The following YES1 variants were observed in gnomAD, a reference collection of about 807,000 sequenced individuals.
The protein encoded by YES1 is tyrosine-protein kinase Yes.
A neutral mutation model predicts 70.4 loss-of-function variants in YES1; 39 were observed. That is an observed-to-expected ratio of 0.55 (90% CI 0.43 to 0.72). The LOEUF (loss-of-function observed/expected upper bound fraction) is 0.72. Ranked by LOEUF, YES1 falls within the 30% of genes least tolerant of loss-of-function variation. The pLI, the probability that YES1 is intolerant of heterozygous loss-of-function variation, is 0.00. For missense variants in YES1, 495 were observed against 644.8 expected, an observed-to-expected ratio of 0.77 and a Z score of 2.52; for synonymous variants, 198 against 218.6, an observed-to-expected ratio of 0.91 and a Z score of 0.83.
chr18:757,317 C>G (rs540505197), intron 1 of YES1, among the ~76,000 whole-genome samples: 2 of 151,434 alleles, frequency 1.3e-5, no homozygotes, highest in Non-Finnish European at 1.5e-5. Flanking sequence ...TCCTGGCTAA[C>G]ACGGTGAAAC....
chr18:737,374 A>C, intron 9 of YES1: 1 of 155,054 alleles, frequency 6.4e-6, no homozygotes. Flanking sequence ...AATCACTTGA[A>C]CCCAGGAGGC....
At chr18:762,100 C>A (rs1375447196) in intron 1 of YES1, among the ~76,000 whole-genome samples, 1 of 152,166 alleles carries the variant, frequency 6.6e-6, no homozygotes, top group African/African-American at 2.4e-5. Context: ...GTGGGCGGAT[C>A]ACCTGAGATT....
intron 3 of YES1, among the ~76,000 whole-genome samples, chr18:750,915 G>A (rs890257068): frequency 6.6e-6 from 1 of 152,190 alleles, no homozygotes; most frequent in South Asian, 2.1e-4. Flanking sequence ...AAAATTGCAA[G>A]TAATTCAGTA....
chr18:738,721 A>T (rs906530771), intron 9 of YES1: 3 of 151,402 alleles, frequency 2.0e-5, no homozygotes, highest in African/African-American at 4.9e-5. Flanking sequence ...AATTCAGCAT[A>T]CACTTTAGAT....
chr18:809,393 G>C (rs969576929), intron 1 of YES1, among the ~76,000 whole-genome samples: 1 of 151,964 alleles, frequency 6.6e-6, no homozygotes, highest in African/African-American at 2.4e-5. Flanking sequence ...TCTGTCTCCC[G>C]GGTTCAAGCG....
chr18:722,820 CG>C lies in YES1; in HGVS notation c.*1603del, dbSNP rs1392320693. 4 of 152,180 alleles carry C rather than the reference CG, an allele frequency of 2.6e-5. No individual in the cohort carries two copies. The highest frequency in any genetic ancestry group is 9.7e-5 in the African/African-American group (4 of 41,438). 9.4% of individuals were successfully genotyped at this position (152,180 alleles called of 1,614,324 possible). On this transcript the variant is annotated 3_prime_UTR_variant, in exon 12 of 12. Coordinates refer to ENST00000314574, the MANE Select transcript of YES1 (RefSeq NM_005433.4). ...TTTAGAAGTGAATGTAGGCTGGGCG[CG>C]GTGGCTCACGCCTGTAATCCCAGCA...
intron 1 of YES1, among the ~76,000 whole-genome samples, chr18:778,999 T>C (rs1298228799): frequency 1.3e-5 from 2 of 152,222 alleles, no homozygotes; most frequent in Non-Finnish European, 2.9e-5. Context: ...CTTTTAGATA[T>C]ACAAACAATT....
At chr18:749,540 G>C (rs1290917642) in intron 3 of YES1, among the ~76,000 whole-genome samples, 1 of 149,336 alleles carries the variant, frequency 6.7e-6, no homozygotes, top group Non-Finnish European at 1.5e-5. Context: ...TGAATTTCTA[G>C]AATAATGCAT....
At chr18:763,885 G>A (rs1904725148) in intron 1 of YES1, among the ~76,000 whole-genome samples, 1 of 151,964 alleles carries the variant, frequency 6.6e-6, no homozygotes, top group Non-Finnish European at 1.5e-5. Flanking sequence ...ACTTTGGGAG[G>A]CCGAGGCGGG....
rs2080412834 is a variant in YES1, at chr18:756,761, C to G, written c.67G>C (p.Glu23Gln). ...TGGCTCACACTTGTACTGACAGGCT[C>G]TGGAGTATTTTCAGGTCTGTATTTA... ...AIKYRPENTPEPVSTSVSHYG... is the reference protein window; with the variant it reads ...AIKYRPENTPQPVSTSVSHYG... The change falls in exon 2 of 12, where the codon GAG becomes CAG. Residue 23 changes from glutamate to glutamine, a missense_variant. Glu to Gln is a conservative substitution (Grantham distance 29). Coordinates refer to ENST00000314574, the MANE Select transcript of YES1 (RefSeq NM_005433.4). The G allele has an allele frequency of 6.2e-7, 1 of 1,614,176 alleles. No individual in the cohort carries two copies. The highest frequency in any genetic ancestry group is 8.5e-7 in the Non-Finnish European group (1 of 1,180,030).
At chr18:755,191 T>C (rs1292133102) in intron 2 of YES1, among the ~76,000 whole-genome samples, 3 of 151,888 alleles carry the variant, frequency 2.0e-5, no homozygotes, top group Admixed American at 6.6e-5. Context: ...TGACTTAACA[T>C]GCATAACTCC....
chr18:730,142 T>TA (rs1647115257), intron 11 of YES1, among the ~76,000 whole-genome samples: 3 of 152,122 alleles, frequency 2.0e-5, no homozygotes, highest in Admixed American at 1.3e-4. Context: ...TCTCCTAGGG[T>TA]ATGGACTTTC....
intron 10 of YES1, among the ~76,000 whole-genome samples, chr18:734,676 A>C (rs2080131090): frequency 6.6e-6 from 1 of 151,956 alleles, no homozygotes; most frequent in Non-Finnish European, 1.5e-5. Flanking sequence ...GAATGGCCAT[A>C]ATGAATAAGT....
chr18:762,683 A>G (rs1568203109), intron 1 of YES1, among the ~76,000 whole-genome samples: 1 of 152,206 alleles, frequency 6.6e-6, no homozygotes, highest in Non-Finnish European at 1.5e-5. Flanking sequence ...TGACGGGTGC[A>G]CCAAAACCTC....
rs927288840 is a variant in YES1, at chr18:788,464, A to ATT, written c.-9+23648_-9+23649dup. Among the ~76,000 whole-genome samples the ATT allele has an allele frequency of 5.3e-4, 81 of 152,310 alleles. 1 individual carries two copies. Among genetic ancestry groups the ATT allele is most frequent in the African/African-American group, 1.5e-3 (62 of 41,554 alleles). On this transcript the variant is annotated intron_variant, in intron 1 of 11. Transcript: ENST00000314574. ...TAATAACGATGTGTATATATTTAAA[A>ATT]TTTTGTTTTATTAAAAAATAAAACC...
chr18:787,370 G>A (rs1906017207), intron 1 of YES1, among the ~76,000 whole-genome samples: 1 of 151,458 alleles, frequency 6.6e-6, no homozygotes, highest in Non-Finnish European at 1.5e-5. Context: ...AAATGCTGGG[G>A]TACAGGCATG....
chr18:776,258 A>G (rs1381158376), intron 1 of YES1, among the ~76,000 whole-genome samples: 1 of 151,752 alleles, frequency 6.6e-6, no homozygotes, highest in Non-Finnish European at 1.5e-5. Context: ...CAGTGATGCA[A>G]TCTTGGCTCA....
chr18:757,596 C>A (rs1018899389), intron 1 of YES1, among the ~76,000 whole-genome samples: 2 of 151,570 alleles, frequency 1.3e-5, no homozygotes, highest in African/African-American at 4.8e-5. Context: ...CTAGGCGGAC[C>A]GATCACTTGA....
At chr18:793,099 G>A (rs1175227462) in intron 1 of YES1, among the ~76,000 whole-genome samples, 1 of 150,744 alleles carries the variant, frequency 6.6e-6, no homozygotes, top group Non-Finnish European at 1.5e-5. Context: ...GAGTGCAGTG[G>A]TGCGATCTGG....
Sources: gnomAD v4.1 joint callset for allele counts (sites outside exome capture counted in the v4.1 genomes callset) on GRCh38, gnomAD v4.1.1 for gene constraint, MANE v1.5 for transcripts, NCBI Gene and HGNC (gene_info 2026-07-23, HGNC 2026-07-21) for gene names.